Variants in ALDH1A2 observed in about 807,000 individuals in gnomAD.
The protein encoded by ALDH1A2 is retinal dehydrogenase 2.
In ALDH1A2, 27 loss-of-function variants were observed where a neutral mutation model predicts 60.3. The ratio of observed to expected loss-of-function variants is 0.45; its 90% CI spans 0.33 to 0.62. The LOEUF (loss-of-function observed/expected upper bound fraction) is 0.62, where lower values mean the gene tolerates loss of function less well. Among genes scored for constraint, ALDH1A2 ranks in the 20% least tolerant of loss-of-function variants. ALDH1A2 has a pLI of 0.02. For synonymous variants in ALDH1A2, 289 were observed against 232.4 expected (o/e 1.24, Z -2.21); for missense variants, 581 against 643.8 (o/e 0.90, Z 1.06).
intron 1 of ALDH1A2, among the ~76,000 whole-genome samples, chr15:58,017,082 G>A (rs532723535): frequency 6.6e-6 from 1 of 152,262 alleles, no homozygotes; most frequent in Non-Finnish European, 1.5e-5. Context: ...AAAATCTTGG[G>A]CTATGAGTCC....
rs544717892 is a variant in ALDH1A2 at position 57,958,844 on chromosome 15, T to C, written c.1484+1926A>G. ...GACAAACAAACAAACAAACATGCAA[T>C]CTAGACAAGATGCAGTGGGTCTCAT... On this transcript the variant is annotated intron_variant, in intron 12 of 12. Coordinates refer to ENST00000249750, the MANE Select transcript of ALDH1A2 (RefSeq NM_003888.4). Among the ~76,000 whole-genome samples the C allele has an allele frequency of 3.9e-5, 6 of 152,238 alleles. No individual in the cohort carries two copies. In the South Asian group the frequency reaches 1.2e-3, roughly 32 times the overall value.
chr15:58,061,130 G>A (rs1897022527), intron 1 of ALDH1A2, among the ~76,000 whole-genome samples: 1 of 152,102 alleles, frequency 6.6e-6, no homozygotes, highest in Non-Finnish European at 1.5e-5. Context: ...AATTCCACAT[G>A]GTAACATAGG....
chr15:57,979,112 G>T (rs765215366), intron 7 of ALDH1A2, among the ~76,000 whole-genome samples: 16 of 152,002 alleles, frequency 1.1e-4, no homozygotes, highest in Admixed American at 2.0e-4. Flanking sequence ...CCTTGTACAG[G>T]CCTCACTTTC....
intron 1 of ALDH1A2, among the ~76,000 whole-genome samples, chr15:58,025,409 T>A (rs936084672): frequency 1.3e-5 from 2 of 152,012 alleles, no homozygotes; most frequent in African/African-American, 4.8e-5. Flanking sequence ...CTGAAAAACC[T>A]AGGGGAGATG....
chr15:58,025,660 C>G (rs867353238), intron 1 of ALDH1A2, among the ~76,000 whole-genome samples: 1 of 152,078 alleles, frequency 6.6e-6, no homozygotes, highest in South Asian at 2.1e-4. Context: ...TTTGTATTGC[C>G]GTAAAGGAAT....
rs59066665 is a variant in ALDH1A2, at chr15:57,972,067, G to GT, written c.799-6241dup. Among the ~76,000 whole-genome samples, 1,028 of 152,168 alleles carry GT rather than the reference G, an allele frequency of 6.8e-3. 15 individuals carry two copies. The highest frequency in any genetic ancestry group is 0.023 in the African/African-American group (974 of 41,500). On this transcript the variant is annotated intron_variant, in intron 7 of 12. Coordinates refer to ENST00000249750, the MANE Select transcript of ALDH1A2 (RefSeq NM_003888.4). ...GATTGAGCACCTATTCTGTCTACTT[G>GT]TTTTCACAAACATTATTTTATTTAA...
intron 1 of ALDH1A2, among the ~76,000 whole-genome samples, chr15:58,023,846 T>C (rs975223905): frequency 1.5e-4 from 23 of 152,026 alleles, no homozygotes; most frequent in Non-Finnish European, 3.1e-4. Flanking sequence ...AATCCCAGCA[T>C]TTTGGGAGGC....
intron 12 of ALDH1A2, among the ~76,000 whole-genome samples, chr15:57,956,119 G>A (rs1893516458): frequency 6.6e-6 from 1 of 151,976 alleles, no homozygotes; most frequent in African/African-American, 2.4e-5. Flanking sequence ...GTATCCTACT[G>A]ATTTTTCTTT....
intron 11 of ALDH1A2, 49 bp downstream of exon 11, chr15:57,961,088 G>A (rs1596064498): frequency 1.2e-6 from 2 of 1,606,618 alleles, no homozygotes; most frequent in Non-Finnish European, 8.5e-7. Context: ...TTTCACCCTG[G>A]TCCCTATACC....
intron 8 of ALDH1A2, among the ~76,000 whole-genome samples, chr15:57,964,951 G>C (rs541102915): frequency 6.6e-6 from 1 of 151,870 alleles, no homozygotes; most frequent in Non-Finnish European, 1.5e-5. Flanking sequence ...ATCTGCTTTT[G>C]GTTTTCTGAT....
intron 7 of ALDH1A2, chr15:57,991,355 GAATAA>G (rs1894890672): frequency 6.6e-6 from 1 of 152,040 alleles, no homozygotes; most frequent in South Asian, 2.1e-4. Context: ...AATACAACTA[GAATAA>G]AATATTTGGA....
intron 5 of ALDH1A2, 66 bp from the exon 6 acceptor site, chr15:57,993,139 G>C (rs1894950568): frequency 2.5e-6 from 4 of 1,580,872 alleles, no homozygotes; most frequent in Admixed American, 3.4e-5. Context: ...TTTTCAAGCT[G>C]TGACTTCTCA....
At chr15:58,043,934 C>A (rs1335220555) in intron 1 of ALDH1A2, among the ~76,000 whole-genome samples, 2 of 151,938 alleles carry the variant, frequency 1.3e-5, no homozygotes, top group African/African-American at 4.8e-5. Flanking sequence ...CTCTGCAAAT[C>A]CAAGTGTTAG....
At chr15:58,045,801 G>C (rs1366138637) in intron 1 of ALDH1A2, among the ~76,000 whole-genome samples, 1 of 151,894 alleles carries the variant, frequency 6.6e-6, no homozygotes, top group Admixed American at 6.6e-5. Flanking sequence ...TGCATGTTCT[G>C]CACGTGTACC....
chr15:58,055,324 G>C (rs1466766779), intron 1 of ALDH1A2, among the ~76,000 whole-genome samples: 2 of 152,054 alleles, frequency 1.3e-5, no homozygotes, highest in African/African-American at 4.8e-5. Flanking sequence ...GAATATTGTA[G>C]TATTAATAAT....
chr15:57,981,445 A>G (rs1439940844), intron 7 of ALDH1A2, among the ~76,000 whole-genome samples: 1 of 152,146 alleles, frequency 6.6e-6, no homozygotes, highest in Non-Finnish European at 1.5e-5. Context: ...GTTATTGACA[A>G]ATATATTATT....
At chr15:57,982,420 T>C (rs1394212579) in intron 7 of ALDH1A2, among the ~76,000 whole-genome samples, 7 of 152,190 alleles carry the variant, frequency 4.6e-5, no homozygotes, top group African/African-American at 1.7e-4. Flanking sequence ...TTTCCTTTAG[T>C]TGGTTTAGAG....
chr15:57,989,881 C>A (rs1293372907), intron 7 of ALDH1A2, among the ~76,000 whole-genome samples: 1 of 151,900 alleles, frequency 6.6e-6, no homozygotes, highest in Non-Finnish European at 1.5e-5. Context: ...ATATTAAGGG[C>A]CGTTTGTATA....
chr15:58,029,516 C>T (rs188880471), intron 1 of ALDH1A2, among the ~76,000 whole-genome samples: 239 of 150,794 alleles, frequency 1.6e-3, no homozygotes, highest in African/African-American at 5.5e-3. Context: ...AATTCAAAAG[C>T]TAGCAGAAGG....
Sources: allele counts gnomAD v4.1 joint callset (sites outside exome capture counted in the v4.1 genomes callset), GRCh38; gene constraint gnomAD v4.1.1; transcripts MANE v1.5; gene names NCBI Gene and HGNC (gene_info 2026-07-23, HGNC 2026-07-21).